The following PCDHGB1 variants were observed in gnomAD, a reference collection of about 807,000 sequenced individuals.
The protein encoded by PCDHGB1 is protocadherin gamma subfamily B, 1.
Under a neutral mutation model 56.6 loss-of-function variants are expected in PCDHGB1, and 34 were observed. The ratio of observed to expected loss-of-function variants is 0.60; its 90% CI spans 0.46 to 0.80. PCDHGB1 has a LOEUF of 0.80. Among genes scored for constraint, PCDHGB1 ranks in the 30% least tolerant of loss-of-function variants. PCDHGB1 has a pLI of 0.00. For missense variants in PCDHGB1, 1,278 were observed against 1,204.6 expected (o/e 1.06, Z -0.90); for synonymous variants, 561 against 505.9 (o/e 1.11, Z -1.46).
chr5:141,405,414 T>G, intron 1 of PCDHGB1: 3 of 1,562,312 alleles, frequency 1.9e-6, no homozygotes, highest in Non-Finnish European at 2.6e-6. Flanking sequence ...TTTCTTTTTT[T>G]GTTTTTTGTT....
intron 1 of PCDHGB1, chr5:141,420,464 C>A: frequency 1.2e-6 from 1 of 801,488 alleles, no homozygotes; most frequent in South Asian, 4.0e-5. Flanking sequence ...TATTCAAAGA[C>A]ATTTTAAAGC....
At chr5:141,358,540 G>T (rs191289773) in intron 1 of PCDHGB1, among the ~76,000 whole-genome samples, 576 of 152,270 alleles carry the variant, frequency 3.8e-3, no homozygotes, top group Non-Finnish European at 5.7e-3. Flanking sequence ...ATATTTTCTT[G>T]TTGCTGTTCT....
intron 1 of PCDHGB1, chr5:141,403,631 C>A (rs751580878): frequency 2.5e-6 from 4 of 1,613,912 alleles, no homozygotes; most frequent in Non-Finnish European, 2.5e-6. Flanking sequence ...CAGCACAGTG[C>A]GCATCCATGT....
rs143317584 is a variant in PCDHGB1 at position 141,432,282 on chromosome 5, A to G, written c.2410-62525A>G. 5.0e-5 allele frequency: 81 copies of G among 1,613,850 alleles called. No homozygotes were observed. The African/African-American group carries it at 6.4e-4, about 13-fold the overall frequency. ...AGCCTATCGTCCTACGTGTCCATCAACTCCGACACTGGGGTACTGTATGCG... is the reference window on the plus strand; with the variant it reads ...AGCCTATCGTCCTACGTGTCCATCAGCTCCGACACTGGGGTACTGTATGCG... On this transcript the variant is annotated intron_variant, in intron 1 of 3. Transcript: ENST00000523390. This position sits in a 1 kb window ranked among gnomAD's most constrained non-coding sequence, Gnocchi z 6.0.
chr5:141,422,975 C>T (rs751065595), intron 1 of PCDHGB1: 130 of 1,614,092 alleles, frequency 8.1e-5, no homozygotes, highest in Non-Finnish European at 1.0e-4. Context: ...CCCCGCTCTG[C>T]GGAACCTGGC....
At chr5:141,434,883 C>T (rs1490696834) in intron 1 of PCDHGB1, among the ~76,000 whole-genome samples, 1 of 151,644 alleles carries the variant, frequency 6.6e-6, no homozygotes, top group Non-Finnish European at 1.5e-5. Context: ...ATACCAACAA[C>T]AATCCAGTCC....
intron 1 of PCDHGB1, chr5:141,360,597 T>G: frequency 6.2e-7 from 1 of 1,614,020 alleles, no homozygotes; most frequent in Non-Finnish European, 8.5e-7. Context: ...CATTTCCACT[T>G]GACCCAGCCC....
rs1481151067 is a variant in PCDHGB1, at chr5:141,477,223, T to A, written c.2410-17584T>A. On this transcript the variant is annotated intron_variant, in intron 1 of 3. Transcript: ENST00000523390. This position sits in a 1 kb window ranked among gnomAD's most constrained non-coding sequence, Gnocchi z 4.9. ...TACCCGAGGATGCCCCTCTGGGGAC[T>A]GTCATCGCTTTGCTCAGTGTGACTG... The A allele has an allele frequency of 6.2e-7, 1 of 1,614,198 alleles. No individual in the cohort carries two copies. The highest frequency in any genetic ancestry group is 1.1e-5 in the South Asian group (1 of 91,084).
At chr5:141,410,508 G>C in intron 1 of PCDHGB1, 2 of 1,613,968 alleles carry the variant, frequency 1.2e-6, no homozygotes, top group Non-Finnish European at 8.5e-7. Flanking sequence ...TTCCTAAAAT[G>C]CAGTGTGCCC....
chr5:141,399,744 C>G (rs544697703), intron 1 of PCDHGB1: 1 of 1,613,320 alleles, frequency 6.2e-7, no homozygotes, highest in African/African-American at 1.3e-5. Context: ...CTGCGCTCAG[C>G]GCAAACGTGA....
chr5:141,384,705 C>T lies in PCDHGB1; in HGVS notation c.2409+32036C>T, dbSNP rs761874903. ...TGGACAAAGATTCAGGCCAGAACGC[C>T]TGGCTGTCATACCTCCTGCTTAAGG... On this transcript the variant is annotated intron_variant, in intron 1 of 3. Coordinates refer to ENST00000523390, the MANE Select transcript of PCDHGB1 (RefSeq NM_018922.3). 19 of 1,614,140 alleles carry T rather than the reference C, an allele frequency of 1.2e-5. No individual in the cohort carries two copies. The South Asian group carries it at 1.8e-4, about 15-fold the overall frequency.
At chr5:141,380,894 AT>A (rs1776829006) in intron 1 of PCDHGB1, among the ~76,000 whole-genome samples, 1 of 152,262 alleles carries the variant, frequency 6.6e-6, no homozygotes, top group Admixed American at 6.5e-5. Context: ...TTGTTTGAAA[AT>A]ATCTACAAGT....
intron 1 of PCDHGB1, among the ~76,000 whole-genome samples, chr5:141,465,505 G>A (rs905617997): frequency 6.6e-6 from 1 of 152,190 alleles, no homozygotes; most frequent in Non-Finnish European, 1.5e-5. Flanking sequence ...CATTGTCGTG[G>A]TCAGGAAGGA....
At chr5:141,362,345 C>A (rs776739300) in intron 1 of PCDHGB1, 1 of 1,614,068 alleles carries the variant, frequency 6.2e-7, no homozygotes, top group East Asian at 2.2e-5. Context: ...AAGCCTGGAC[C>A]TGGGGTTCTC....
chr5:141,406,796 T>C (rs1010773625), intron 1 of PCDHGB1, among the ~76,000 whole-genome samples: 7 of 152,362 alleles, frequency 4.6e-5, no homozygotes, highest in Admixed American at 1.3e-4. Flanking sequence ...TATTTCTGGC[T>C]CAATTCTCCA....
chr5:141,489,427 C>G lies in PCDHGB1; in HGVS notation c.2410-5380C>G, dbSNP rs370540900. ...AAAGATGACAGATCTGTTGAGCCGG[C>G]GGCTGCAATTGGGCTCTGAGGAGAA... On this transcript the variant is annotated intron_variant, in intron 1 of 3. Transcript: ENST00000523390. The surrounding 1 kb of genome is among the most constrained non-coding windows in gnomAD (Gnocchi z 4.5). 6.2e-7 allele frequency: 1 copy of G among 1,614,108 alleles called. No homozygotes were observed. Among genetic ancestry groups the G allele is most frequent in the South Asian group, 1.1e-5 (1 of 91,086 alleles).
In PCDHGB1 at chr5:141,477,377, C is replaced by A. The variant is rs1456451105; in HGVS notation, c.2410-17430C>A. On this transcript the variant is annotated intron_variant, in intron 1 of 3. Coordinates refer to ENST00000523390, the MANE Select transcript of PCDHGB1 (RefSeq NM_018922.3). This position sits in a 1 kb window ranked among gnomAD's most constrained non-coding sequence, Gnocchi z 4.9. ...TGCAGACCTGGATCGGGAGACTGTG[C>A]CAGAATACAACCTCAGCATCACCGC... 1.2e-6 allele frequency: 2 copies of A among 1,614,026 alleles called. No homozygotes were observed. The highest frequency in any genetic ancestry group is 1.7e-6 in the Non-Finnish European group (2 of 1,180,032).
chr5:141,415,432 T>G, intron 1 of PCDHGB1: 1 of 1,614,222 alleles, frequency 6.2e-7, no homozygotes, highest in East Asian at 2.2e-5. Flanking sequence ...GGTTCGGGCT[T>G]TCCTGCAGAC....
At chr5:141,382,897 A>G in intron 1 of PCDHGB1, 1 of 1,540,826 alleles carries the variant, frequency 6.5e-7, no homozygotes, top group East Asian at 2.3e-5. Flanking sequence ...AAGCAGGACG[A>G]CTATGGCGGC....
Sources: allele counts gnomAD v4.1 joint callset (sites outside exome capture counted in the v4.1 genomes callset), GRCh38; gene constraint gnomAD v4.1.1; non-coding constraint Gnocchi (gnomAD v3.1); transcripts MANE v1.5; gene names NCBI Gene and HGNC (gene_info 2026-07-23, HGNC 2026-07-21).